Variants in ELP4 observed in about 807,000 individuals in gnomAD.
ELP4 encodes the protein elongator acetyltransferase complex subunit 4, also known as elongator complex protein 4.
ELP4 carries 51 observed loss-of-function variants against 48.9 expected under a neutral mutation model. The observed-to-expected ratio is 1.04, with a 90% CI of 0.83 to 1.32. The LOEUF (loss-of-function observed/expected upper bound fraction) is 1.32. ELP4 is among the 40% of genes most tolerant of loss of function. ELP4 has a pLI of 0.00. For missense variants in ELP4, 519 were observed against 514.6 expected (o/e 1.01, Z -0.08); for synonymous variants, 210 against 189.2 (o/e 1.11, Z -0.90).
At chr11:31,781,065 T>C (rs1948362729) in intron 9 of ELP4, among the ~76,000 whole-genome samples, 1 of 152,228 alleles carries the variant, frequency 6.6e-6, no homozygotes, top group African/African-American at 2.4e-5. Context: ...GGGTTACCTA[T>C]GTGCTTGCCT....
chr11:31,738,634 G>A (rs1193270930), intron 9 of ELP4, among the ~76,000 whole-genome samples: 1 of 151,916 alleles, frequency 6.6e-6, no homozygotes, highest in East Asian at 1.9e-4. Flanking sequence ...GCCGGGGGAG[G>A]TGGAGGTGGG....
chr11:31,558,554 A>C (rs930629416), intron 3 of ELP4, among the ~76,000 whole-genome samples: 2 of 152,176 alleles, frequency 1.3e-5, no homozygotes, highest in African/African-American at 4.8e-5. Context: ...TATTCTCAAG[A>C]AAGTAAAACT....
At chr11:31,545,707 G>A (rs929866080) in intron 3 of ELP4, among the ~76,000 whole-genome samples, 4 of 152,054 alleles carry the variant, frequency 2.6e-5, no homozygotes, top group African/African-American at 9.7e-5. Context: ...TTGAAATGAA[G>A]GAAAAAATGT....
chr11:31,601,170 T>G (rs530472738), intron 4 of ELP4, among the ~76,000 whole-genome samples: 3 of 149,804 alleles, frequency 2.0e-5, no homozygotes, highest in Non-Finnish European at 4.4e-5. Context: ...ATTTACAGCA[T>G]GTAGTTATCT....
Position 31,786,530 on chromosome 11 carries a change from GAAGAA to G in ELP4, c.*3010_*3014del, listed in dbSNP as rs1316578103. On this transcript the variant is annotated 3_prime_UTR_variant, in exon 10 of 10. Transcript: ENST00000640961. Reference sequence around the variant, plus strand: ...CGCCTTGGTGAGCCAAACATACAGAGAAGAAAAGGCTTTTTAAAATCTTACTAGTA... The same window carrying G: ...CGCCTTGGTGAGCCAAACATACAGAGAAGGCTTTTTAAAATCTTACTAGTA... The G allele has an allele frequency of 4.4e-6, 1 of 224,740 alleles. No individual in the cohort carries two copies. Among genetic ancestry groups the G allele is most frequent in the Non-Finnish European group, 8.9e-6 (1 of 112,836 alleles). 13.9% of individuals were successfully genotyped at this position (224,740 alleles called of 1,614,324 possible).
intron 1 of ELP4, among the ~76,000 whole-genome samples, chr11:31,515,901 G>T (rs918777543): frequency 6.6e-6 from 1 of 152,192 alleles, no homozygotes; most frequent in African/African-American, 2.4e-5. Context: ...ACGAGGTCAG[G>T]AGATTGAGAC....
intron 9 of ELP4, chr11:31,767,294 T>C (rs1344020143): frequency 6.6e-6 from 1 of 151,992 alleles, no homozygotes; most frequent in Non-Finnish European, 1.5e-5. Context: ...GTGGCTCTTC[T>C]GGCTACAGTG....
chr11:31,537,205 G>T (rs1956515220), intron 2 of ELP4, among the ~76,000 whole-genome samples: 1 of 152,094 alleles, frequency 6.6e-6, no homozygotes, highest in African/African-American at 2.4e-5. Flanking sequence ...GTACTATGAG[G>T]CAAGATTGAA....
At chr11:31,528,714 C>T (rs950467128) in intron 2 of ELP4, among the ~76,000 whole-genome samples, 1 of 151,788 alleles carries the variant, frequency 6.6e-6, no homozygotes, top group East Asian at 1.9e-4. Flanking sequence ...GAATTAGTAC[C>T]ATTAAGTGAA....
At chr11:31,519,776 G>A (rs1435770200) in intron 1 of ELP4, among the ~76,000 whole-genome samples, 1 of 151,014 alleles carries the variant, frequency 6.6e-6, no homozygotes, top group African/African-American at 2.4e-5. Context: ...AGTGAGCTGA[G>A]AGGAGATTGT....
At chr11:31,546,080 C>T (rs962872401) in intron 3 of ELP4, among the ~76,000 whole-genome samples, 6 of 151,616 alleles carry the variant, frequency 4.0e-5, no homozygotes, top group South Asian at 2.1e-4. Context: ...CATCAACTAA[C>T]GAGCAAAATA....
intron 2 of ELP4, among the ~76,000 whole-genome samples, chr11:31,535,274 T>C (rs966182471): frequency 1.3e-5 from 2 of 152,224 alleles, no homozygotes; most frequent in Non-Finnish European, 2.9e-5. Flanking sequence ...CTTTAGGGAA[T>C]TGTTTTAATA....
At chr11:31,770,582 A>G (rs1368293837) in intron 9 of ELP4, among the ~76,000 whole-genome samples, 2 of 148,734 alleles carry the variant, frequency 1.3e-5, no homozygotes, top group Admixed American at 6.7e-5. Flanking sequence ...AAAAAAAAAT[A>G]GAAACTAAAA....
At chr11:31,735,254 T>C (rs1947283532) in intron 9 of ELP4, among the ~76,000 whole-genome samples, 1 of 151,128 alleles carries the variant, frequency 6.6e-6, no homozygotes, top group Non-Finnish European at 1.5e-5. Context: ...GACTTAACCA[T>C]ATGACCTGAA....
chr11:31,627,027 A>G (rs542316763), intron 5 of ELP4, 83 bp from the exon 6 acceptor site: 43 of 738,022 alleles, frequency 5.8e-5, no homozygotes, highest in Non-Finnish European at 9.9e-5. Context: ...CCTTTTAATT[A>G]TTTACTTAAT....
chr11:31,747,958 A>G (rs1418286671), intron 9 of ELP4, among the ~76,000 whole-genome samples: 1 of 152,256 alleles, frequency 6.6e-6, no homozygotes, highest in Non-Finnish European at 1.5e-5. Flanking sequence ...TTTCTAAAAG[A>G]CAAAGCATAT....
At chr11:31,554,423 T>A (rs936321387) in intron 3 of ELP4, among the ~76,000 whole-genome samples, 3 of 151,666 alleles carry the variant, frequency 2.0e-5, no homozygotes, top group African/African-American at 7.3e-5. Context: ...GAGATGTAAT[T>A]GATGAATAGA....
chr11:31,747,373 C>T (rs989465559), intron 9 of ELP4, among the ~76,000 whole-genome samples: 2 of 151,796 alleles, frequency 1.3e-5, no homozygotes, highest in Non-Finnish European at 2.9e-5. Context: ...TTAGAGGAAG[C>T]AGAGGAATAG....
chr11:31,678,019 C>T (rs982351301), intron 9 of ELP4, among the ~76,000 whole-genome samples: 2 of 152,256 alleles, frequency 1.3e-5, no homozygotes, highest in Non-Finnish European at 2.9e-5. Context: ...TTCTCTCCCC[C>T]TTCTTTCCTC....
Sources: allele counts gnomAD v4.1 joint callset (sites outside exome capture counted in the v4.1 genomes callset), GRCh38; gene constraint gnomAD v4.1.1; transcripts MANE v1.5; gene names NCBI Gene and HGNC (gene_info 2026-07-23, HGNC 2026-07-21).